Variants in NCK1 observed in about 807,000 individuals in gnomAD.
NCK1 encodes SH2/SH3 adapter protein NCK1.
NCK1 carries 19 observed loss-of-function variants against 36.6 expected under a neutral mutation model. The observed-to-expected ratio is 0.52, with a 90% CI of 0.36 to 0.76. The LOEUF (loss-of-function observed/expected upper bound fraction) is 0.76. Ranked by LOEUF, NCK1 falls within the 30% of genes least tolerant of loss-of-function variation. The pLI is 0.00. For missense variants in NCK1, 358 were observed against 445.6 expected (o/e 0.80, Z 1.77); for synonymous variants, 165 against 156.0 (o/e 1.06, Z -0.43).
At chr3:136,864,087 C>T (rs985122952) in intron 1 of NCK1, among the ~76,000 whole-genome samples, 1 of 150,446 alleles carries the variant, frequency 6.6e-6, no homozygotes, top group African/African-American at 2.4e-5. Flanking sequence ...GGCGACAGAG[C>T]GAGACTCCGT....
chr3:136,930,704 C>A, intron 2 of NCK1: 1 of 893,398 alleles, frequency 1.1e-6, no homozygotes, highest in African/African-American at 1.7e-5. Context: ...ATGTAAGCTA[C>A]TACATTATGT....
At chr3:136,907,564 G>A (rs551543668) in intron 1 of NCK1, among the ~76,000 whole-genome samples, 3 of 152,288 alleles carry the variant, frequency 2.0e-5, no homozygotes, top group East Asian at 1.9e-4. Flanking sequence ...TCAGCTCTCC[G>A]CTGATCCTGG....
At chr3:136,904,817 TCA>T (rs1439452823) in intron 1 of NCK1, among the ~76,000 whole-genome samples, 1 of 147,124 alleles carries the variant, frequency 6.8e-6, no homozygotes, top group Non-Finnish European at 1.5e-5. Flanking sequence ...GTTCCATATG[TCA>T]CACAGGCTTT....
intron 1 of NCK1, among the ~76,000 whole-genome samples, chr3:136,896,968 T>G (rs1939407361): frequency 6.6e-6 from 1 of 152,248 alleles, no homozygotes; most frequent in Non-Finnish European, 1.5e-5. Flanking sequence ...TGTTTTCAAT[T>G]TTTTGAGAAA....
rs530990737 is a variant in NCK1 at position 136,944,842 on chromosome 3, G to A, written c.227-741G>A. On this transcript the variant is annotated intron_variant, in intron 2 of 3. Transcript: ENST00000481752. ...AATGCCTGACTGAAGTTGATGTAGC[G>A]TACATTTGTATTGATAGTACCATTT... 2.0e-4 allele frequency among the ~76,000 whole-genome samples: 31 copies of A among 152,242 alleles called. No homozygotes were observed. In the South Asian group the frequency reaches 6.2e-3, roughly 31 times the overall value.
chr3:136,944,425 A>G (rs1157429529), intron 2 of NCK1, among the ~76,000 whole-genome samples: 1 of 152,132 alleles, frequency 6.6e-6, no homozygotes, highest in Non-Finnish European at 1.5e-5. Flanking sequence ...GCCGGGAAAG[A>G]CAACTTTTAA....
chr3:136,895,357 T>A (rs1451017694), intron 1 of NCK1, among the ~76,000 whole-genome samples: 1 of 152,058 alleles, frequency 6.6e-6, no homozygotes, highest in Non-Finnish European at 1.5e-5. Flanking sequence ...CCTTTTAATG[T>A]TGCAATAAAA....
Position 136,879,989 on chromosome 3 carries a change from T to A in NCK1, c.-19+17636T>A, listed in dbSNP as rs368825244. The stretch of plus-strand genomic sequence containing the variant: ...ATGTACCCTAGAACTTAAAGAATAT[T>A]AAAAAAAAAAAAAGGCTGGGCACAG... On this transcript the variant is annotated intron_variant, in intron 1 of 3. Coordinates refer to ENST00000481752, the MANE Select transcript of NCK1 (RefSeq NM_001291999.2). Among the ~76,000 whole-genome samples, 17 of 119,494 alleles carry A rather than the reference T, an allele frequency of 1.4e-4. 1 individual carries two copies. The highest frequency in any genetic ancestry group is 1.8e-4 in the Non-Finnish European group (11 of 59,882). The allele number at this position is 119,494 out of a possible 152,430, so 78.4% of individuals were successfully genotyped here. A position where few individuals can be genotyped will look rare whatever the true frequency, so the allele number is the denominator to read the frequency against.
rs142937630 is a variant in NCK1, at chr3:136,886,544, T to C, written c.-19+24191T>C. On this transcript the variant is annotated intron_variant, in intron 1 of 3. Coordinates refer to ENST00000481752, the MANE Select transcript of NCK1 (RefSeq NM_001291999.2). ...ATATGTTTAGTACAGGTGCTTTTTT[T>C]TTTCCTGAATGTTTTAAATCCACGG... 3.5e-3 allele frequency among the ~76,000 whole-genome samples: 533 copies of C among 152,246 alleles called. 7 individuals carry two copies. Among genetic ancestry groups the C allele is most frequent in the African/African-American group, 0.012 (510 of 41,540 alleles).
intron 1 of NCK1, among the ~76,000 whole-genome samples, chr3:136,875,075 CTG>C (rs1340080042): frequency 6.6e-6 from 1 of 152,184 alleles, no homozygotes; most frequent in Admixed American, 6.5e-5. Context: ...CCTTCTGAAT[CTG>C]TAAAATTCAT....
intron 1 of NCK1, among the ~76,000 whole-genome samples, chr3:136,897,935 T>C (rs1462928663): frequency 6.6e-6 from 1 of 152,222 alleles, no homozygotes; most frequent in African/African-American, 2.4e-5. Context: ...CTGTATTATC[T>C]AATATCATAA....
chr3:136,867,169 CTTCCTTCCTTCTTTCT>C (rs1938466830), intron 1 of NCK1, among the ~76,000 whole-genome samples: 2 of 49,622 alleles, frequency 4.0e-5, no homozygotes, highest in Admixed American at 2.5e-4. Context: ...TCCTTCCTTC[CTTCCTTCCTTCTTTCT>C]TTCTTTTCTT....
chr3:136,883,152 G>A (rs943672350), intron 1 of NCK1, among the ~76,000 whole-genome samples: 6 of 152,008 alleles, frequency 3.9e-5, no homozygotes, highest in African/African-American at 1.2e-4. Context: ...TACTACTGGC[G>A]TCATGTGATC....
intron 2 of NCK1, among the ~76,000 whole-genome samples, chr3:136,929,133 C>T (rs1329536112): frequency 6.6e-6 from 1 of 152,070 alleles, no homozygotes; most frequent in Non-Finnish European, 1.5e-5. Context: ...GAGTCTTGCT[C>T]TGTTGTCCAG....
intron 1 of NCK1, among the ~76,000 whole-genome samples, chr3:136,886,289 A>T (rs1170552491): frequency 2.0e-5 from 3 of 151,746 alleles, no homozygotes; most frequent in Admixed American, 2.0e-4. Context: ...TGGATAGTAT[A>T]TACTTGTCCT....
At chr3:136,908,979 G>A (rs1267631576) in intron 1 of NCK1, among the ~76,000 whole-genome samples, 1 of 152,086 alleles carries the variant, frequency 6.6e-6, no homozygotes, top group East Asian at 1.9e-4. Flanking sequence ...AATTAATGCT[G>A]TTATTTTAGG....
At chr3:136,896,309 G>T (rs2108094676) in intron 1 of NCK1, among the ~76,000 whole-genome samples, 1 of 152,210 alleles carries the variant, frequency 6.6e-6, no homozygotes, top group Non-Finnish European at 1.5e-5. Flanking sequence ...ACCCTTCTCA[G>T]ATTTTGGTGT....
rs530574878 is a variant in NCK1 at position 136,863,001 on chromosome 3, C to T, written c.-19+648C>T. Among the ~76,000 whole-genome samples, 7 of 120,498 alleles carry T rather than the reference C, an allele frequency of 5.8e-5. No individual in the cohort carries two copies. In the South Asian group the frequency reaches 2.2e-3, roughly 37 times the overall value. 79.1% of individuals were successfully genotyped at this position (120,498 alleles called of 152,430 possible). On this transcript the variant is annotated intron_variant, in intron 1 of 3. Coordinates refer to ENST00000481752, the MANE Select transcript of NCK1 (RefSeq NM_001291999.2). ...TGTTTGGTAAAACAAAAAACCATTT[C>T]GATAGGTTTTGTAACCTTTCTTCTG... is the stretch of plus-strand genomic sequence containing the variant.
chr3:136,926,267 T>TATC (rs1454802425), intron 1 of NCK1, among the ~76,000 whole-genome samples: 7 of 148,436 alleles, frequency 4.7e-5, no homozygotes, highest in Non-Finnish European at 1.0e-4. Flanking sequence ...TTTTAAATTT[T>TATC]ATTATTATTA....
Sources: allele counts gnomAD v4.1 joint callset (sites outside exome capture counted in the v4.1 genomes callset), GRCh38; gene constraint gnomAD v4.1.1; transcripts MANE v1.5; gene names NCBI Gene and HGNC (gene_info 2026-07-23, HGNC 2026-07-21).